Variants in MED14 observed in about 807,000 individuals in gnomAD.
The protein encoded by MED14 is mediator of RNA polymerase II transcription subunit 14.
MED14 carries 8 observed loss-of-function variants against 109.0 expected under a neutral mutation model. The observed-to-expected ratio is 0.07, with a 90% CI of 0.04 to 0.13. MED14 has a LOEUF of 0.13. MED14 is among the 10% of genes least tolerant of loss of function. The probability of loss-of-function intolerance (pLI) is 1.00; values close to 1 mark genes in which losing one functional copy is unlikely to be tolerated. For missense variants in MED14, 711 were observed against 1,142.4 expected (o/e 0.62, Z 5.44); for synonymous variants, 399 against 408.7 (o/e 0.98, Z 0.29).
intron 7 of MED14, among the ~76,000 whole-genome samples, 161 bp from the exon 8 acceptor site, chrX:40,711,462 A>T (rs1199288677): frequency 8.9e-6 from 1 of 112,083 alleles, no homozygotes; most frequent in Non-Finnish European, 1.9e-5. Flanking sequence ...CGTAAAAAGT[A>T]TTATAATTTA....
At position 40,666,831 on chromosome X, in the gene MED14, A is replaced by T; in HGVS notation, c.3154T>A (p.Ser1052Thr). ...GGGGCTCTCAAAGCCCCACTGGGGGAGCTGGCAGCATGCAGATTTCCTAAT... is the reference window on the plus strand; with the variant it reads ...GGGGCTCTCAAAGCCCCACTGGGGGTGCTGGCAGCATGCAGATTTCCTAAT... Reference protein sequence around the residue: ...QSPGNLHAASSPSGALRAPSP... With the variant: ...QSPGNLHAASTPSGALRAPSP... The change falls in exon 24 of 31, where the codon TCC (serine) becomes ACC (threonine). Residue 1052 changes from serine (S) to threonine (T), a missense_variant. Physicochemically the swap from Ser to Thr is moderately conservative, Grantham distance 58 (BLOSUM62 1). This residue lies in a region of MED14 where 100 missense variants were observed against 147.5 expected (regional missense o/e 0.68). Coordinates refer to ENST00000324817, the MANE Select transcript of MED14 (RefSeq NM_004229.4). 1.7e-6 allele frequency: 2 copies of T among 1,177,209 alleles called. No individual in the cohort carries two copies. Among genetic ancestry groups the T allele is most frequent in the Non-Finnish European group, 2.3e-6 (2 of 878,214 alleles).
chrX:40,674,824 T>C (rs2042993400), intron 22 of MED14, among the ~76,000 whole-genome samples: 1 of 112,347 alleles, frequency 8.9e-6, no homozygotes. Context: ...GACAGAACCC[T>C]GAAAATTTGT....
intron 9 of MED14, 71 bp downstream of exon 9, chrX:40,709,908 C>T: frequency 2.8e-6 from 2 of 720,836 alleles, no homozygotes; most frequent in Non-Finnish European, 2.0e-6. Flanking sequence ...AAAATTTGTG[C>T]TAAGAGTTTA....
chrX:40,709,793 T>A (rs913834068), intron 9 of MED14, among the ~76,000 whole-genome samples, 186 bp downstream of exon 9: 2 of 111,587 alleles, frequency 1.8e-5, no homozygotes, highest in African/African-American at 6.5e-5. Context: ...ATCTTAAAAA[T>A]TATATATTAT....
At position 40,659,255 on chromosome X, in the gene MED14, T is replaced by C; in HGVS notation, c.3944A>G (p.Asp1315Gly). ...LLGAPTHILR[D>G]CVHIMKLELF... Reference sequence around the variant, plus strand: ...CTCCAGCTTCATAATGTGCACACAATCCCTGAGGATGTGTGTAGGAGCTCC... The same window carrying C: ...CTCCAGCTTCATAATGTGCACACAACCCCTGAGGATGTGTGTAGGAGCTCC... The change falls in exon 28 of 31, where the codon GAT becomes GGT. Residue 1315 changes from aspartate to glycine, a missense_variant. This residue lies in a region of MED14 where 54 missense variants were observed against 129.6 expected (regional missense o/e 0.42). Transcript: ENST00000324817. 8.6e-7 allele frequency: 1 copy of C among 1,157,754 alleles called. No individual in the cohort carries two copies. Among genetic ancestry groups the C allele is most frequent in the Non-Finnish European group, 1.2e-6 (1 of 865,979 alleles).
intron 15 of MED14, among the ~76,000 whole-genome samples, chrX:40,690,671 T>G (rs992119665): frequency 1.5e-4 from 17 of 110,944 alleles, no homozygotes; most frequent in African/African-American, 5.6e-4. Flanking sequence ...CACCTCGGCC[T>G]CCCAAAGTGC....
chrX:40,666,578 T>C (rs1929494854), intron 24 of MED14, 142 bp downstream of exon 24: 4 of 626,373 alleles, frequency 6.4e-6, no homozygotes, highest in South Asian at 2.8e-5. Context: ...ATTAGATAAA[T>C]TTGATTTTCT....
At chrX:40,705,361 C>G (rs1025635791) in intron 10 of MED14, among the ~76,000 whole-genome samples, 1 of 111,858 alleles carries the variant, frequency 8.9e-6, no homozygotes, top group Admixed American at 9.5e-5. Flanking sequence ...TAATTTCAAT[C>G]TAATTACCAC....
At chrX:40,722,454 C>T (rs777900018) in intron 3 of MED14, among the ~76,000 whole-genome samples, 3 of 111,535 alleles carry the variant, frequency 2.7e-5, no homozygotes, top group African/African-American at 9.8e-5. Flanking sequence ...AAGAATGAAG[C>T]ACACCTACAA....
upstream of MED14, chrX:40,735,637 G>A (rs1345132613): frequency 2.0e-6 from 1 of 498,115 alleles, no homozygotes; most frequent in African/African-American, 2.3e-5. Context: ...GGCGGGGATG[G>A]GGGGGAAGCA....
At chrX:40,713,597 C>T (rs1188347682) in intron 5 of MED14, among the ~76,000 whole-genome samples, 181 bp downstream of exon 5, 2 of 111,652 alleles carry the variant, frequency 1.8e-5, no homozygotes. Flanking sequence ...TGCGGGCCAC[C>T]GCACCCAGCT....
At chrX:40,688,899 T>C (rs1401724353) in intron 15 of MED14, among the ~76,000 whole-genome samples, 1 of 112,434 alleles carries the variant, frequency 8.9e-6, no homozygotes, top group Admixed American at 9.4e-5. Context: ...TTCAAAACAA[T>C]GTTTGAGTCA....
At position 40,691,607 on chromosome X, in the gene MED14, C is replaced by CTTTTTTTTTTTTTTTTTTTTT. The variant is rs36144185; in HGVS notation, c.1980+555_1980+575dup. On this transcript the variant is annotated intron_variant, in intron 15 of 30. Transcript: ENST00000324817. ...CAGCCTGTCCACTTTTTCTTTTAAT[C>CTTTTTTTTTTTTTTTTTTTTT]TTTTTTTTTTTTTTTTTTTTTGGAG... is the stretch of plus-strand genomic sequence containing the variant. Among the ~76,000 whole-genome samples, 4 of 59,457 alleles carry CTTTTTTTTTTTTTTTTTTTTT rather than the reference C, an allele frequency of 6.7e-5. 2 individuals are homozygous for CTTTTTTTTTTTTTTTTTTTTT. The allele number at this position is 59,457 out of a possible 115,157, so 51.6% of individuals were successfully genotyped here.
In MED14 at chrX:40,681,907, C is replaced by A; in HGVS notation, c.2402G>T (p.Arg801Leu). The change falls in exon 19 of 31, where the codon CGT (arginine) becomes CTT (leucine). Residue 801 changes from arginine to leucine, a missense_variant. By Grantham distance (102) the Arg-to-Leu change is moderately radical (BLOSUM62 -2). This residue lies in a region of MED14 where 388 missense variants were observed against 517.3 expected (regional missense o/e 0.75). Coordinates refer to ENST00000324817, the MANE Select transcript of MED14 (RefSeq NM_004229.4). ...GATAAGTTTTCGGTAATTATAAACA[C>A]GAACTTCTGAGAAAATATTTAGATG... ...PAHLNIFSEV[R>L]VYNYRKLILC... is the part of the protein sequence containing the mutation. 1.7e-6 allele frequency: 2 copies of A among 1,150,004 alleles called. No individual in the cohort carries two copies. The highest frequency in any genetic ancestry group is 2.5e-5 in the Admixed American group (1 of 40,206). 94.8% of individuals were successfully genotyped at this position (1,150,004 alleles called of 1,213,427 possible).
intron 2 of MED14, 71 bp downstream of exon 2, chrX:40,729,248 C>G (rs774248336): frequency 2.9e-6 from 3 of 1,050,568 alleles, no homozygotes; most frequent in Non-Finnish European, 3.9e-6. Flanking sequence ...CTACACCACC[C>G]ATACCCACAC....
intron 12 of MED14, 55 bp from the exon 13 acceptor site, chrX:40,697,238 G>A: frequency 8.9e-6 from 7 of 784,172 alleles, no homozygotes; most frequent in Non-Finnish European, 1.1e-5. Flanking sequence ...GATTATCTGT[G>A]CCCTATCGAT....
At chrX:40,720,744 T>C (rs750529890) in intron 3 of MED14, among the ~76,000 whole-genome samples, 54 of 108,944 alleles carry the variant, frequency 5.0e-4, no homozygotes, top group Non-Finnish European at 9.1e-4. Flanking sequence ...GACTCCTTCC[T>C]TCTGCTTGAG....
chrX:40,670,488 G>A (rs1427696016), intron 23 of MED14, among the ~76,000 whole-genome samples: 3 of 112,072 alleles, frequency 2.7e-5, no homozygotes, highest in African/African-American at 6.5e-5. Flanking sequence ...GAGGCCGGGC[G>A]CGGTGGCTCA....
At chrX:40,666,977 CAG>C (rs1160820615) in intron 23 of MED14, 126 bp from the exon 24 acceptor site, 6 of 536,925 alleles carry the variant, frequency 1.1e-5, no homozygotes, top group Non-Finnish European at 1.7e-5. Context: ...ATATATAACA[CAG>C]AGAAAAACTG....
Sources: gnomAD v4.1 joint callset for allele counts (sites outside exome capture counted in the v4.1 genomes callset) on GRCh38, gnomAD v4.1.1 for gene constraint, gnomAD v4.1.1 regional missense constraint, MANE v1.5 for transcripts, NCBI Gene and HGNC (gene_info 2026-07-23, HGNC 2026-07-21) for gene names.